The following DMD variants were observed in gnomAD, a reference collection of about 807,000 sequenced individuals.
DMD encodes the protein dystrophin, also known as mutant dystrophin.
In DMD, 63 loss-of-function variants were observed where a neutral mutation model predicts 330.1. That is an observed-to-expected ratio of 0.19 (90% confidence interval 0.16 to 0.24). The LOEUF is 0.24. Among genes scored for constraint, DMD ranks in the 10% least tolerant of loss-of-function variants. The pLI, the probability that DMD is intolerant of heterozygous loss-of-function variation, is 1.00. For synonymous variants in DMD, 1,223 were observed against 959.8 expected, an observed-to-expected ratio of 1.27 and a Z score of -5.07; for missense variants, 3,344 against 2,684.1, an observed-to-expected ratio of 1.25 and a Z score of -5.43.
At chrX:31,204,822 A>G (rs931221819) in intron 66 of DMD, among the ~76,000 whole-genome samples, 108 of 112,104 alleles carry the variant, frequency 9.6e-4, no homozygotes, top group Non-Finnish European at 1.9e-3. Flanking sequence ...GTGTTTCACC[A>G]TGATGGCCAG....
At chrX:33,128,490 T>G in intron 1 of DMD, 1 of 872,272 alleles carries the variant, frequency 1.1e-6, no homozygotes, top group East Asian at 5.9e-5. Flanking sequence ...TCTACCTGAT[T>G]ACGTTCCCTT....
At chrX:32,737,863 C>T (rs2068725181) in intron 7 of DMD, among the ~76,000 whole-genome samples, 1 of 111,266 alleles carries the variant, frequency 9.0e-6, no homozygotes, top group Admixed American at 9.6e-5. Flanking sequence ...AACTCATTAT[C>T]CAACAAATTT....
At chrX:31,784,017 G>A (rs934926318) in intron 50 of DMD, among the ~76,000 whole-genome samples, 2 of 111,648 alleles carry the variant, frequency 1.8e-5, no homozygotes, top group Middle Eastern at 4.7e-3. Context: ...TTTATAGAAC[G>A]GGAAACTAAA....
intron 9 of DMD, among the ~76,000 whole-genome samples, chrX:32,659,859 C>A (rs1196572225): frequency 2.7e-5 from 3 of 110,641 alleles, no homozygotes; most frequent in African/African-American, 9.9e-5. Flanking sequence ...GGAATCTCTT[C>A]CTATTCCTTT....
intron 76 of DMD, among the ~76,000 whole-genome samples, chrX:31,140,794 G>C (rs761726701): frequency 8.9e-6 from 1 of 111,734 alleles, no homozygotes; most frequent in South Asian, 3.8e-4. Flanking sequence ...TTGTTGCACA[G>C]AGTATCCTCA....
At chrX:32,163,485 G>C (rs2096857369) in intron 44 of DMD, among the ~76,000 whole-genome samples, 1 of 112,240 alleles carries the variant, frequency 8.9e-6, no homozygotes, top group African/African-American at 3.2e-5. Context: ...GATTCAGGAA[G>C]TAGAATGGGA....
chrX:31,486,894 A>G (rs2068851188), intron 57 of DMD, among the ~76,000 whole-genome samples: 1 of 112,047 alleles, frequency 8.9e-6, no homozygotes, highest in African/African-American at 3.2e-5. Flanking sequence ...AAGAGCCACC[A>G]TATTTATTGA....
At chrX:32,383,774 C>A (rs140856656) in intron 33 of DMD, among the ~76,000 whole-genome samples, 1 of 110,365 alleles carries the variant, frequency 9.1e-6, no homozygotes, top group African/African-American at 3.3e-5. Flanking sequence ...GACATCATTA[C>A]GAGAATCATT....
At chrX:32,454,226 G>A (rs1032403869) in intron 26 of DMD, among the ~76,000 whole-genome samples, 6 of 111,069 alleles carry the variant, frequency 5.4e-5, no homozygotes, top group African/African-American at 1.6e-4. Flanking sequence ...AAGGCTACGG[G>A]TTCAAATATT....
Position 32,661,009 on chromosome X carries a change from C to A in DMD, c.961-15857G>T, listed in dbSNP as rs562086818. 2.7e-5 allele frequency among the ~76,000 whole-genome samples: 3 copies of A among 111,247 alleles called. No individual in the cohort carries two copies. The South Asian group carries it at 1.1e-3, about 42-fold the overall frequency. ...AGAGAGAGGCCTGACATTATGCATC[C>A]TATTAAGGATCTCTGATTTTCCACA... On this transcript the variant is annotated intron_variant, in intron 9 of 78. Coordinates refer to ENST00000357033, the MANE Select transcript of DMD (RefSeq NM_004006.3).
intron 7 of DMD, among the ~76,000 whole-genome samples, chrX:32,728,981 G>C (rs775190565): frequency 1.8e-5 from 2 of 111,780 alleles, no homozygotes; most frequent in Admixed American, 9.5e-5. Context: ...ACCACAAAAG[G>C]TGCTAGGGCG....
At chrX:32,717,555 C>A (rs759865837) in intron 7 of DMD, among the ~76,000 whole-genome samples, 21 of 111,713 alleles carry the variant, frequency 1.9e-4, no homozygotes, top group African/African-American at 5.8e-4. Flanking sequence ...GCATAGAGAA[C>A]CTCTACTAGG....
rs184904873 is a variant in DMD at position 32,509,100 on chromosome X, G to A, written c.2293-7258C>T. Among the ~76,000 whole-genome samples, 14 of 108,523 alleles carry A rather than the reference G, an allele frequency of 1.3e-4. No homozygotes were observed. In the East Asian group the frequency reaches 3.5e-3, roughly 27 times the overall value. 94.2% of individuals were successfully genotyped at this position (108,523 alleles called of 115,157 possible). On this transcript the variant is annotated intron_variant, in intron 18 of 78. Coordinates refer to ENST00000357033, the MANE Select transcript of DMD (RefSeq NM_004006.3). The stretch of plus-strand genomic sequence containing the variant: ...GCTGAGATTACAGGCGTGAGCCACC[G>A]TGCCTGGCCACGGAAACATTTTTGA...
chrX:32,725,705 T>A (rs2066796899), intron 7 of DMD, among the ~76,000 whole-genome samples: 1 of 109,859 alleles, frequency 9.1e-6, no homozygotes. Context: ...TACTAGGGGG[T>A]GGAGGTAAGC....
intron 67 of DMD, among the ~76,000 whole-genome samples, chrX:31,195,923 T>A (rs1041684226): frequency 9.0e-6 from 1 of 111,418 alleles, no homozygotes; most frequent in African/African-American, 3.3e-5. Context: ...TTTAGAAGGA[T>A]GAAGATGGAA....
At chrX:32,989,742 A>C (rs2092930166) in intron 2 of DMD, among the ~76,000 whole-genome samples, 1 of 111,219 alleles carries the variant, frequency 9.0e-6, no homozygotes, top group East Asian at 2.8e-4. Context: ...TTTCTACTTA[A>C]ATTTTTGCCT....
intron 60 of DMD, among the ~76,000 whole-genome samples, chrX:31,349,104 ATATT>A (rs1410471167): frequency 8.9e-6 from 1 of 112,490 alleles, no homozygotes; most frequent in African/African-American, 3.2e-5. Context: ...TCATTGAGTG[ATATT>A]TAATTATTGA....
chrX:32,849,752 G>A lies in DMD; in HGVS notation c.162C>T (p.Leu54=), dbSNP rs904011265. Residue 54 remains leucine, a synonymous_variant, in exon 3 of 79, where the codon CTC becomes CTT. Transcript: ENST00000357033. ...CCAGTTTTTGCCCTGTCAGGCCTTC[G>A]AGGAGGTCTAGGAGGCGCCTCCCAT... is the stretch of plus-strand genomic sequence containing the variant. ...LQDGRRLLDL[L]EGLTGQKLPK... The A allele has an allele frequency of 1.8e-5, 22 of 1,205,958 alleles. No individual in the cohort carries two copies. The highest frequency in any genetic ancestry group is 1.8e-5 in the African/African-American group (1 of 56,759).
intron 44 of DMD, among the ~76,000 whole-genome samples, chrX:32,075,082 C>A (rs1016737864): frequency 8.9e-6 from 1 of 111,873 alleles, no homozygotes; most frequent in African/African-American, 3.3e-5. Flanking sequence ...AAGTGAACTC[C>A]TCAGATAAAG....
Sources: gnomAD v4.1 joint callset for allele counts (sites outside exome capture counted in the v4.1 genomes callset) on GRCh38, gnomAD v4.1.1 for gene constraint, MANE v1.5 for transcripts, NCBI Gene and HGNC (gene_info 2026-07-23, HGNC 2026-07-21) for gene names.